CDH18: variants seen among roughly 807,000 people sequenced by gnomAD.
CDH18 encodes cadherin-18.
A neutral mutation model predicts 67.9 loss-of-function variants in CDH18; 31 were observed. The observed-to-expected ratio is 0.46, with a 90% CI of 0.34 to 0.62. CDH18 has a LOEUF of 0.62. Ranked by LOEUF, CDH18 falls within the 20% of genes least tolerant of loss-of-function variation. CDH18 has a pLI of 0.01. For missense variants in CDH18, 890 were observed against 975.5 expected (o/e 0.91, Z 1.17); for synonymous variants, 362 against 347.2 (o/e 1.04, Z -0.48).
chr5:19,767,599 A>C (rs1288534028), intron 3 of CDH18, among the ~76,000 whole-genome samples: 1 of 152,136 alleles, frequency 6.6e-6, no homozygotes, highest in Non-Finnish European at 1.5e-5. Flanking sequence ...TATTTGAATA[A>C]ACCAAGATAA....
intron 1 of CDH18, among the ~76,000 whole-genome samples, chr5:20,382,550 C>T (rs1461215956): frequency 6.6e-6 from 1 of 151,974 alleles, no homozygotes; most frequent in East Asian, 1.9e-4. Context: ...AATATGACAG[C>T]ATTGTATGAT....
chr5:20,307,154 T>TAG (rs112737059), intron 1 of CDH18, among the ~76,000 whole-genome samples: 1 of 152,056 alleles, frequency 6.6e-6, no homozygotes, highest in Non-Finnish European at 1.5e-5. Context: ...CATGGCAACT[T>TAG]AGAGAGAGAG....
At chr5:19,734,343 G>C (rs2150658523) in intron 4 of CDH18, among the ~76,000 whole-genome samples, 1 of 152,286 alleles carries the variant, frequency 6.6e-6, no homozygotes, top group Non-Finnish European at 1.5e-5. Flanking sequence ...CAAAGCAGGA[G>C]TAACTGCATC....
intron 2 of CDH18, among the ~76,000 whole-genome samples, chr5:19,998,581 G>A (rs1393872522): frequency 6.6e-6 from 1 of 152,072 alleles, no homozygotes; most frequent in Non-Finnish European, 1.5e-5. Context: ...AAAATTTGAG[G>A]AGACATTTAT....
At chr5:20,558,159 G>C (rs1758020253) in intron 1 of CDH18, among the ~76,000 whole-genome samples, 1 of 152,058 alleles carries the variant, frequency 6.6e-6, no homozygotes, top group African/African-American at 2.4e-5. Flanking sequence ...TACAAAGGAA[G>C]TGTGACCCCT....
intron 3 of CDH18, among the ~76,000 whole-genome samples, chr5:19,749,717 A>T (rs1031982622): frequency 1.3e-5 from 2 of 151,016 alleles, no homozygotes; most frequent in Non-Finnish European, 3.0e-5. Flanking sequence ...GATTCTAGTA[A>T]TTCAGATATA....
chr5:19,727,797 TG>T (rs766800134), intron 4 of CDH18, among the ~76,000 whole-genome samples: 41 of 152,220 alleles, frequency 2.7e-4, no homozygotes, highest in Non-Finnish European at 5.0e-4. Flanking sequence ...AAAAAGTTAT[TG>T]TTACAAGTAG....
At chr5:19,726,955 C>T (rs1042019800) in intron 4 of CDH18, among the ~76,000 whole-genome samples, 6 of 152,130 alleles carry the variant, frequency 3.9e-5, no homozygotes, top group Non-Finnish European at 1.5e-5. Flanking sequence ...GATGACACAG[C>T]AAGAAGATGG....
chr5:20,481,989 T>A (rs1752839741), intron 1 of CDH18, among the ~76,000 whole-genome samples: 1 of 151,028 alleles, frequency 6.6e-6, no homozygotes, highest in African/African-American at 2.4e-5. Flanking sequence ...TGAAAAAATA[T>A]AAAAGATCAA....
At chr5:20,181,835 G>A (rs555439420) in intron 2 of CDH18, among the ~76,000 whole-genome samples, 89 of 152,102 alleles carry the variant, frequency 5.9e-4, no homozygotes, top group African/African-American at 2.1e-3. Context: ...GAAAAATATC[G>A]AGCCTCAGTG....
At chr5:19,490,165 C>T (rs347753) in intron 11 of CDH18, among the ~76,000 whole-genome samples, 145,894 of 151,872 alleles carry the variant, frequency 0.96, 70,196 homozygotes, top group African/African-American at 0.97. Context: ...CATAAATCCT[C>T]AGAGAGTTTT....
intron 2 of CDH18, among the ~76,000 whole-genome samples, chr5:20,163,771 C>A (rs574041719): frequency 6.6e-6 from 1 of 152,268 alleles, no homozygotes; most frequent in Admixed American, 6.5e-5. Flanking sequence ...CTAAAGTTTT[C>A]TCAGCTAATT....
At chr5:19,503,190 TA>T in intron 10 of CDH18, 81 bp from the exon 11 acceptor site, 1 of 693,364 alleles carries the variant, frequency 1.4e-6, no homozygotes, top group Non-Finnish European at 2.5e-6. Flanking sequence ...TATTTCTGTT[TA>T]AAAATATTTT....
chr5:19,549,358 G>A (rs920228628), intron 8 of CDH18, among the ~76,000 whole-genome samples: 2 of 152,124 alleles, frequency 1.3e-5, no homozygotes, highest in African/African-American at 4.8e-5. Context: ...ATGACTGTAA[G>A]TTCTCTGAGG....
chr5:19,979,068 A>G lies in CDH18; in HGVS notation c.-257+1992T>C, dbSNP rs1403416057. On this transcript the variant is annotated intron_variant, in intron 2 of 12. Coordinates refer to ENST00000382275, the MANE Select transcript of CDH18 (RefSeq NM_004934.5). ...CTTCACTCATAGAGTGAGTTTCAGA[A>G]GCTACTTCACTTAGTTTATCTTAGA... Among the ~76,000 whole-genome samples the G allele has an allele frequency of 3.3e-5, 5 of 152,152 alleles. No homozygotes were observed. In the East Asian group the frequency reaches 9.7e-4, roughly 29 times the overall value.
intron 1 of CDH18, among the ~76,000 whole-genome samples, chr5:20,394,488 C>G (rs572386061): frequency 6.6e-6 from 1 of 152,002 alleles, no homozygotes; most frequent in Non-Finnish European, 1.5e-5. Context: ...AGAAGAAAAT[C>G]TAGGAAAACC....
At chr5:20,192,366 T>G (rs902158994) in intron 2 of CDH18, among the ~76,000 whole-genome samples, 5 of 152,158 alleles carry the variant, frequency 3.3e-5, no homozygotes, top group African/African-American at 1.2e-4. Context: ...TTAGATCCCC[T>G]TTGTCAATTT....
intron 2 of CDH18, among the ~76,000 whole-genome samples, chr5:19,898,787 A>G (rs1579489335): frequency 6.6e-6 from 1 of 152,286 alleles, no homozygotes; most frequent in East Asian, 1.9e-4. Flanking sequence ...AAGCAAAAAA[A>G]GTAAAATTGT....
chr5:20,388,310 T>G lies in CDH18; in HGVS notation c.-579-132805A>C, dbSNP rs1481221936. Among the ~76,000 whole-genome samples, 4 of 151,372 alleles carry G rather than the reference T, an allele frequency of 2.6e-5. No individual in the cohort carries two copies. In the East Asian group the frequency reaches 7.8e-4, roughly 29 times the overall value. ...TTTAGTCTTGGGAGGGTGTATGTGT[T>G]GAGGAATTTATCCATTTCTTCTAGA... On this transcript the variant is annotated intron_variant, in intron 1 of 14. Transcript: ENST00000507958.
Sources: allele counts gnomAD v4.1 joint callset (sites outside exome capture counted in the v4.1 genomes callset), GRCh38; gene constraint gnomAD v4.1.1; transcripts MANE v1.5; gene names NCBI Gene and HGNC (gene_info 2026-07-23, HGNC 2026-07-21).